The following SEL1L2 variants were observed in gnomAD, a reference collection of about 807,000 sequenced individuals.
SEL1L2 encodes SEL1L2 adaptor subunit of SYVN1 ubiquitin ligase, also known as protein sel-1 homolog 2.
A neutral mutation model predicts 98.8 loss-of-function variants in SEL1L2; 89 were observed. That is an observed-to-expected ratio of 0.90 (90% CI 0.76 to 1.07). The LOEUF is 1.07. Ranked by LOEUF, SEL1L2 falls within the 50% of genes least tolerant of loss-of-function variation. The probability of loss-of-function intolerance (pLI) is 0.00; values close to 1 mark genes in which losing one functional copy is unlikely to be tolerated. For missense variants in SEL1L2, 788 were observed against 812.0 expected, an observed-to-expected ratio of 0.97 and a Z score of 0.36; for synonymous variants, 262 against 278.5, an observed-to-expected ratio of 0.94 and a Z score of 0.59.
chr20:13,964,719 G>T (rs2050960004), intron 1 of SEL1L2, among the ~76,000 whole-genome samples: 1 of 151,968 alleles, frequency 6.6e-6, no homozygotes, highest in South Asian at 2.1e-4. Context: ...TTTCCAAAGT[G>T]CTGGCGGCCA....
intron 2 of SEL1L2, among the ~76,000 whole-genome samples, 175 bp from the exon 3 acceptor site, chr20:13,931,946 C>T (rs1042804020): frequency 6.6e-6 from 1 of 152,038 alleles, no homozygotes; most frequent in African/African-American, 2.4e-5. Context: ...TTTAGAAATC[C>T]ATATGTTTTA....
intron 1 of SEL1L2, among the ~76,000 whole-genome samples, chr20:13,962,032 T>G (rs1311316911): frequency 1.3e-5 from 2 of 152,232 alleles, no homozygotes; most frequent in African/African-American, 4.8e-5. Context: ...ATCGACATCT[T>G]GACTTCATAC....
intron 8 of SEL1L2, 44 bp downstream of exon 8, chr20:13,887,725 C>A (rs188875677): frequency 7.9e-7 from 1 of 1,262,274 alleles, no homozygotes; most frequent in Non-Finnish European, 1.1e-6. Context: ...TTTCTAATTC[C>A]TTGGCAACTG....
chr20:13,856,290 C>T (rs375633782), intron 18 of SEL1L2, among the ~76,000 whole-genome samples: 4 of 152,106 alleles, frequency 2.6e-5, no homozygotes, highest in Non-Finnish European at 4.4e-5. Flanking sequence ...CTACCTTGCC[C>T]GGTTAATTTT....
At chr20:13,962,736 C>A (rs955468690) in intron 1 of SEL1L2, among the ~76,000 whole-genome samples, 1 of 152,086 alleles carries the variant, frequency 6.6e-6, no homozygotes, top group Non-Finnish European at 1.5e-5. Flanking sequence ...ATAAATCATA[C>A]AGAATATAGT....
rs139116703 is a variant in SEL1L2 at position 13,865,580 on chromosome 20, A to G, written c.1405-66T>C. 3.7e-5 allele frequency: 52 copies of G among 1,407,498 alleles called. No individual in the cohort carries two copies. The East Asian group carries it at 1.1e-3, about 30-fold the overall frequency. 87.2% of individuals were successfully genotyped at this position (1,407,498 alleles called of 1,614,324 possible). On this transcript the variant is annotated intron_variant, in intron 15 of 19. Coordinates refer to ENST00000284951, the MANE Select transcript of SEL1L2 (RefSeq NM_025229.2). ...TATGCTTCACCCCAGGCAAATGAGA[A>G]AGGAAATCAGTCTTCAGCTCCTACC... is the stretch of plus-strand genomic sequence containing the variant.
chr20:13,885,370 T>C lies in SEL1L2; in HGVS notation c.934A>G (p.Lys312Glu), dbSNP rs1555869937. ...ACGTAGTAATCCTGATCTAGACCTT[T>C]CCTGCCAATTAGATGTAATTGTCCA... Reference protein sequence around the residue: ...SLGQLHLIGRKGLDQDYYKAL... With the variant: ...SLGQLHLIGREGLDQDYYKAL... The change falls in exon 10 of 20, where the codon AAA (lysine) becomes GAA (glutamate). Residue 312 changes from lysine to glutamate, a missense_variant. Physicochemically the swap from Lys to Glu is moderately conservative, Grantham distance 56. Transcript: ENST00000284951. 6.2e-7 allele frequency: 1 copy of C among 1,606,284 alleles called. No homozygotes were observed. Among genetic ancestry groups the C allele is most frequent in the East Asian group, 2.2e-5 (1 of 44,854 alleles).
intron 1 of SEL1L2, among the ~76,000 whole-genome samples, chr20:13,966,871 A>C (rs578033312): frequency 1.5e-3 from 216 of 140,340 alleles, no homozygotes; most frequent in Non-Finnish European, 2.4e-3. Context: ...CTGTTACCAG[A>C]GACCTGTCTT....
chr20:13,978,920 A>T (rs576595541), intron 1 of SEL1L2, among the ~76,000 whole-genome samples: 8 of 152,172 alleles, frequency 5.3e-5, no homozygotes, highest in East Asian at 1.9e-4. Context: ...TTAGCCAGGC[A>T]TGATCGTGCA....
In SEL1L2 at chr20:13,914,504, C is replaced by A. The variant is rs554159921; in HGVS notation, c.387-560G>T. 3.3e-5 allele frequency among the ~76,000 whole-genome samples: 5 copies of A among 152,244 alleles called. No homozygotes were observed. The East Asian group carries it at 7.7e-4, about 24-fold the overall frequency. ...TGGAAAAACAATAATGAAACAAAACCTTAATGGCTAGGGCTCTAGAGTCTG... is the reference window on the plus strand; with the variant it reads ...TGGAAAAACAATAATGAAACAAAACATTAATGGCTAGGGCTCTAGAGTCTG... On this transcript the variant is annotated intron_variant, in intron 4 of 19. Transcript: ENST00000284951.
intron 18 of SEL1L2, among the ~76,000 whole-genome samples, chr20:13,850,741 T>G (rs8120091): frequency 0.096 from 14,676 of 152,180 alleles, 926 homozygotes; most frequent in East Asian, 0.18. Context: ...GATTTTAGCC[T>G]CGTGAAACCC....
intron 4 of SEL1L2, among the ~76,000 whole-genome samples, 193 bp from the exon 5 acceptor site, chr20:13,914,137 T>C (rs906256986): frequency 2.6e-5 from 4 of 152,226 alleles, no homozygotes; most frequent in Non-Finnish European, 1.5e-5. Flanking sequence ...ATTTCAAATA[T>C]ATCTCACAAA....
chr20:13,968,008 G>T (rs1290637607), intron 1 of SEL1L2, among the ~76,000 whole-genome samples: 1 of 152,126 alleles, frequency 6.6e-6, no homozygotes, highest in Non-Finnish European at 1.5e-5. Flanking sequence ...ATAGGCTAAT[G>T]GCTTAGTTAT....
intron 2 of SEL1L2, among the ~76,000 whole-genome samples, chr20:13,953,766 G>C (rs2423767): frequency 6.6e-6 from 1 of 151,850 alleles, no homozygotes; most frequent in Non-Finnish European, 1.5e-5. Flanking sequence ...TGCCCTTCTC[G>C]CCCTTCAAAG....
At chr20:13,906,723 G>A (rs965308489) in intron 5 of SEL1L2, among the ~76,000 whole-genome samples, 1 of 152,150 alleles carries the variant, frequency 6.6e-6, no homozygotes, top group Non-Finnish European at 1.5e-5. Context: ...CTGTCACCCA[G>A]GCTGGAGTGC....
At chr20:13,924,288 C>CTT (rs59961411) in intron 3 of SEL1L2, among the ~76,000 whole-genome samples, 25 of 148,920 alleles carry the variant, frequency 1.7e-4, no homozygotes, top group East Asian at 1.6e-3. Flanking sequence ...TTTTGTTTTT[C>CTT]TTTTTTTTTC....
chr20:13,849,362 C>A lies in SEL1L2; in HGVS notation c.*123G>T. The A allele has an allele frequency of 8.0e-7, 1 of 1,256,514 alleles. No individual in the cohort carries two copies. The highest frequency in any genetic ancestry group is 1.4e-5 in the South Asian group (1 of 70,310). 77.8% of individuals were successfully genotyped at this position (1,256,514 alleles called of 1,614,324 possible). On this transcript the variant is annotated 3_prime_UTR_variant, in exon 20 of 20. Coordinates refer to ENST00000284951, the MANE Select transcript of SEL1L2 (RefSeq NM_025229.2). ...GATGGTCCCCAAGTCTTGTCTGTTT[C>A]CCATCACAGCCCTGAGCGGGAAACT...
chr20:13,965,236 A>G (rs369559212), intron 1 of SEL1L2, among the ~76,000 whole-genome samples: 4 of 152,214 alleles, frequency 2.6e-5, no homozygotes, highest in African/African-American at 7.2e-5. Flanking sequence ...GAATCCAGAG[A>G]AGACACTCAT....
At chr20:13,972,030 C>A (rs532393205) in intron 1 of SEL1L2, among the ~76,000 whole-genome samples, 54 of 152,192 alleles carry the variant, frequency 3.5e-4, no homozygotes, top group African/African-American at 1.3e-3. Flanking sequence ...TCTGGTTGAG[C>A]AGGAACTTCT....
Sources: allele counts gnomAD v4.1 joint callset (sites outside exome capture counted in the v4.1 genomes callset), GRCh38; gene constraint gnomAD v4.1.1; transcripts MANE v1.5; gene names NCBI Gene and HGNC (gene_info 2026-07-23, HGNC 2026-07-21).